The following TBCD variants were observed in gnomAD, a reference collection of about 807,000 sequenced individuals.
TBCD encodes the protein tubulin-specific chaperone D.
A neutral mutation model predicts 169.3 loss-of-function variants in TBCD; 105 were observed. The observed-to-expected ratio is 0.62, with a 90% CI of 0.53 to 0.73. The LOEUF is 0.73. TBCD is among the 30% of genes least tolerant of loss of function. The pLI is 0.00. For missense variants in TBCD, 1,444 were observed against 1,600.1 expected (o/e 0.90, Z 1.66); for synonymous variants, 700 against 643.9 (o/e 1.09, Z -1.32).
intron 7 of TBCD, among the ~76,000 whole-genome samples, chr17:82,790,429 A>G (rs1288913049): frequency 6.6e-6 from 1 of 152,122 alleles, no homozygotes; most frequent in African/African-American, 2.4e-5. Context: ...GGGTGGCCTC[A>G]TCTTGGCCTC....
At position 82,831,147 on chromosome 17, in the gene TBCD, CTTG is replaced by C; in HGVS notation, c.1318+16217_1318+16219del. The C allele has an allele frequency of 6.2e-7, 1 of 1,614,124 alleles. No individual in the cohort carries two copies. Among genetic ancestry groups the C allele is most frequent in the Admixed American group, 1.7e-5 (1 of 60,012 alleles). Reference sequence around the variant, plus strand: ...GTCTTCCCAGTGCGCTGGAGGCTGCCTTGTTGGAGAGGTCGTACAGGCCTTCGC... The same window carrying C: ...GTCTTCCCAGTGCGCTGGAGGCTGCCTTGGAGAGGTCGTACAGGCCTTCGC... On this transcript the variant is annotated intron_variant, in intron 13 of 38. Transcript: ENST00000355528. This position sits in a 1 kb window ranked among gnomAD's most constrained non-coding sequence, Gnocchi z 4.6.
intron 6 of TBCD, among the ~76,000 whole-genome samples, chr17:82,776,016 A>G (rs999077336): frequency 1.3e-5 from 2 of 152,292 alleles, no homozygotes; most frequent in South Asian, 4.1e-4. Flanking sequence ...CAGGAGTTCA[A>G]GACCAGCCTG....
intron 11 of TBCD, among the ~76,000 whole-genome samples, chr17:82,809,095 C>CT (rs540907333): frequency 9.8e-4 from 149 of 152,170 alleles, no homozygotes; most frequent in African/African-American, 3.2e-3. Context: ...TCACATAGGC[C>CT]TTTGTGTTGC....
At chr17:82,867,274 T>C (rs7210902) in intron 13 of TBCD, among the ~76,000 whole-genome samples, 1 of 152,228 alleles carries the variant, frequency 6.6e-6, no homozygotes, top group South Asian at 2.1e-4. Flanking sequence ...CCTGAGGCCA[T>C]TGTCCATGCT....
intron 32 of TBCD, chr17:82,929,858 A>G (rs2062055163): frequency 4.9e-6 from 2 of 410,280 alleles, no homozygotes; most frequent in Non-Finnish European, 9.2e-6. Context: ...TCCGCCCTCC[A>G]CTTTCAGGGC....
intron 22 of TBCD, among the ~76,000 whole-genome samples, chr17:82,909,985 G>A (rs549840828): frequency 7.2e-5 from 11 of 152,250 alleles, no homozygotes; most frequent in East Asian, 1.9e-4. Flanking sequence ...CTTCCCCGAC[G>A]TGTCTTTGAG....
Position 82,944,781 on chromosome 17 carries a change from T to G in TBCD, c.*2318T>G, listed in dbSNP as rs1249349186. ...AGACCTTGGAGATCCTGAGGGTTTC[T>G]GCTGAGCCCTGGAATCTAGTCACGC... On this transcript the variant is annotated 3_prime_UTR_variant, in exon 39 of 39. Transcript: ENST00000355528. 1 of 152,208 alleles carries G rather than the reference T, an allele frequency of 6.6e-6. No individual in the cohort carries two copies. The highest frequency in any genetic ancestry group is 2.4e-5 in the African/African-American group (1 of 41,438). 9.4% of individuals were successfully genotyped at this position (152,208 alleles called of 1,614,324 possible).
intron 23 of TBCD, chr17:82,918,768 A>G (rs936262640): frequency 1.3e-5 from 2 of 152,206 alleles, no homozygotes; most frequent in African/African-American, 2.4e-5. Flanking sequence ...TATAAAATAC[A>G]TTTAAAGTTC....
In TBCD at chr17:82,782,733, A is replaced by AGCATCGTCTTCCTATCCGCG. The variant is rs2049029857; in HGVS notation, c.771+1017_771+1036dup. Among the ~76,000 whole-genome samples the AGCATCGTCTTCCTATCCGCG allele has an allele frequency of 6.9e-6, 1 of 145,582 alleles. No individual in the cohort carries two copies. Among genetic ancestry groups the AGCATCGTCTTCCTATCCGCG allele is most frequent in the Admixed American group, 6.9e-5 (1 of 14,434 alleles). On this transcript the variant is annotated intron_variant, in intron 7 of 38. Coordinates refer to ENST00000355528, the MANE Select transcript of TBCD (RefSeq NM_005993.5). This position sits in a 1 kb window ranked among gnomAD's most constrained non-coding sequence, Gnocchi z 5.1. The stretch of plus-strand genomic sequence containing the variant: ...TCCGTGGCGTCGTCCTCCTGTCCGC[A>AGCATCGTCTTCCTATCCGCG]GCATCGTCTTCCTATCCGCGGCATT...
chr17:82,921,826 T>C (rs1361795286), intron 25 of TBCD, among the ~76,000 whole-genome samples: 5 of 152,266 alleles, frequency 3.3e-5, no homozygotes, highest in Non-Finnish European at 5.9e-5. Flanking sequence ...GTTTTAATTA[T>C]AGTTACCTTT....
intron 2 of TBCD, among the ~76,000 whole-genome samples, chr17:82,759,191 T>A (rs1225094362): frequency 6.7e-6 from 1 of 148,402 alleles, no homozygotes; most frequent in East Asian, 1.9e-4. Flanking sequence ...ATTAAAAAAC[T>A]TTTTTTTTTG....
intron 6 of TBCD, among the ~76,000 whole-genome samples, chr17:82,778,722 C>A (rs551331920): frequency 1.4e-5 from 1 of 69,604 alleles, no homozygotes; most frequent in Non-Finnish European, 2.7e-5. Flanking sequence ...AGTGCAATGG[C>A]GTGATCTCAG....
intron 13 of TBCD, among the ~76,000 whole-genome samples, chr17:82,844,236 T>TGTGTGTGTG (rs59037028): frequency 1.3e-5 from 2 of 151,032 alleles, no homozygotes; most frequent in Non-Finnish European, 3.0e-5. Context: ...TGTGTGTGTG[T>TGTGTGTGTG]TTAAAGACCT....
chr17:82,785,939 C>T (rs1173656705), intron 7 of TBCD, among the ~76,000 whole-genome samples: 1 of 152,204 alleles, frequency 6.6e-6, no homozygotes, highest in Non-Finnish European at 1.5e-5. Flanking sequence ...GACCACCTGG[C>T]CTGAGGTTGG....
At chr17:82,793,217 A>G (rs924264721) in intron 7 of TBCD, among the ~76,000 whole-genome samples, 1 of 152,176 alleles carries the variant, frequency 6.6e-6, no homozygotes. Flanking sequence ...ACTTCCGTCA[A>G]TGGCTTTTTT....
intron 13 of TBCD, chr17:82,859,976 A>G: frequency 1.2e-5 from 10 of 827,084 alleles, no homozygotes; most frequent in Non-Finnish European, 1.5e-5. Flanking sequence ...CTTGGGCTTC[A>G]TGTGTCCTTG....
At chr17:82,828,152 CAG>C (rs1043953519) in intron 13 of TBCD, among the ~76,000 whole-genome samples, 6 of 87,054 alleles carry the variant, frequency 6.9e-5, no homozygotes, top group African/African-American at 1.7e-4. Context: ...CATACACCCA[CAG>C]ACACACATGC....
intron 7 of TBCD, among the ~76,000 whole-genome samples, chr17:82,790,109 C>T (rs918199764): frequency 9.9e-5 from 15 of 152,170 alleles, no homozygotes; most frequent in Admixed American, 3.3e-4. Context: ...CTGTGCTTCA[C>T]GTCATCCTGA....
At chr17:82,795,857 C>G (rs1409112657) in intron 7 of TBCD, 1 of 152,672 alleles carries the variant, frequency 6.5e-6, no homozygotes, top group East Asian at 1.9e-4. Context: ...GCCGGCTTCC[C>G]GGAGGGAGTG....
Sources: allele counts gnomAD v4.1 joint callset (sites outside exome capture counted in the v4.1 genomes callset), GRCh38; gene constraint gnomAD v4.1.1; non-coding constraint Gnocchi (gnomAD v3.1); transcripts MANE v1.5; gene names NCBI Gene and HGNC (gene_info 2026-07-23, HGNC 2026-07-21).